Variants in SLC24A3 observed in about 807,000 individuals in gnomAD.
SLC24A3 encodes the protein sodium/potassium/calcium exchanger 3.
Under a neutral mutation model 75.8 loss-of-function variants are expected in SLC24A3, and 28 were observed. The ratio of observed to expected loss-of-function variants is 0.37; its 90% CI spans 0.27 to 0.51. The LOEUF (loss-of-function observed/expected upper bound fraction) is 0.51. Ranked by LOEUF, SLC24A3 falls within the 20% of genes least tolerant of loss-of-function variation. The probability of loss-of-function intolerance (pLI) is 0.94; values close to 1 mark genes in which losing one functional copy is unlikely to be tolerated. For missense variants in SLC24A3, 663 were observed against 847.8 expected (o/e 0.78, Z 2.71); for synonymous variants, 372 against 334.1 (o/e 1.11, Z -1.24).
At chr20:19,708,660 T>A (rs2032955433) in intron 15 of SLC24A3, among the ~76,000 whole-genome samples, 1 of 152,200 alleles carries the variant, frequency 6.6e-6, no homozygotes, top group African/African-American at 2.4e-5. Flanking sequence ...CAGGACCGTG[T>A]CAGAAGACCA....
At chr20:19,310,399 C>G (rs980965613) in intron 2 of SLC24A3, among the ~76,000 whole-genome samples, 1 of 152,198 alleles carries the variant, frequency 6.6e-6, no homozygotes, top group African/African-American at 2.4e-5. Flanking sequence ...AGTGTATGTT[C>G]AGTAAATATT....
chr20:19,254,272 C>T (rs1371056241), intron 1 of SLC24A3, among the ~76,000 whole-genome samples: 1 of 152,148 alleles, frequency 6.6e-6, no homozygotes, highest in African/African-American at 2.4e-5. Context: ...TCACATGGTC[C>T]AGGGGTTCCC....
At chr20:19,646,309 AT>A (rs567546437) in intron 6 of SLC24A3, among the ~76,000 whole-genome samples, 579 of 152,280 alleles carry the variant, frequency 3.8e-3, no homozygotes, top group African/African-American at 0.013. Flanking sequence ...CAACTATACT[AT>A]TTTTAGTATA....
intron 2 of SLC24A3, among the ~76,000 whole-genome samples, chr20:19,374,518 G>C (rs917018161): frequency 6.6e-6 from 1 of 152,118 alleles, no homozygotes; most frequent in Non-Finnish European, 1.5e-5. Flanking sequence ...TATCTCTCCT[G>C]GAGTTCTGGG....
intron 1 of SLC24A3, among the ~76,000 whole-genome samples, chr20:19,230,026 A>G (rs913208313): frequency 6.6e-6 from 1 of 151,262 alleles, no homozygotes; most frequent in East Asian, 1.9e-4. Flanking sequence ...ATTAAAAAAA[A>G]TGGATTCCAA....
At chr20:19,229,621 A>G (rs888721860) in intron 1 of SLC24A3, among the ~76,000 whole-genome samples, 3 of 152,010 alleles carry the variant, frequency 2.0e-5, no homozygotes, top group East Asian at 1.9e-4. Context: ...GTGTGTGTAT[A>G]TATATATATG....
chr20:19,316,951 C>G (rs1205521160), intron 2 of SLC24A3, among the ~76,000 whole-genome samples: 1 of 152,032 alleles, frequency 6.6e-6, no homozygotes, highest in Non-Finnish European at 1.5e-5. Context: ...AAGTATTAAG[C>G]CCAACATCCA....
intron 2 of SLC24A3, among the ~76,000 whole-genome samples, chr20:19,492,577 G>C (rs1370374783): frequency 6.6e-6 from 1 of 152,130 alleles, no homozygotes; most frequent in Non-Finnish European, 1.5e-5. Flanking sequence ...TGGACCTTTA[G>C]CCTTTTACTC....
intron 3 of SLC24A3, among the ~76,000 whole-genome samples, chr20:19,569,026 G>T (rs567062006): frequency 1.3e-5 from 2 of 152,226 alleles, no homozygotes; most frequent in South Asian, 2.1e-4. Flanking sequence ...CTTAGAAATG[G>T]AAATGGTTCA....
chr20:19,373,259 C>T lies in SLC24A3; in HGVS notation c.271+92172C>T, dbSNP rs374632223. ...CAACCTAAATTTTCCTTCAGCAGAC[C>T]CCAGGGGAAATCAAGGCCTCTCTCG... On this transcript the variant is annotated intron_variant, in intron 2 of 16. Transcript: ENST00000328041. Among the ~76,000 whole-genome samples the T allele has an allele frequency of 2.6e-5, 4 of 152,212 alleles. No homozygotes were observed. In the East Asian group the frequency reaches 7.7e-4, roughly 29 times the overall value.
chr20:19,704,214 G>A (rs542798795), intron 15 of SLC24A3, among the ~76,000 whole-genome samples: 2 of 152,268 alleles, frequency 1.3e-5, no homozygotes, highest in East Asian at 3.9e-4. Flanking sequence ...TAGATGGATG[G>A]AGGAACATGT....
At chr20:19,542,630 A>G (rs2030521058) in intron 3 of SLC24A3, among the ~76,000 whole-genome samples, 1 of 152,210 alleles carries the variant, frequency 6.6e-6, no homozygotes, top group Non-Finnish European at 1.5e-5. Context: ...ATGCCAGCTG[A>G]CACGTCTTTG....
intron 2 of SLC24A3, among the ~76,000 whole-genome samples, chr20:19,356,782 T>G (rs1985694411): frequency 6.6e-6 from 1 of 152,124 alleles, no homozygotes; most frequent in Non-Finnish European, 1.5e-5. Flanking sequence ...ATTTACACTT[T>G]GACTAGCAGG....
At chr20:19,655,441 G>A (rs1028079367) in intron 7 of SLC24A3, among the ~76,000 whole-genome samples, 3 of 152,054 alleles carry the variant, frequency 2.0e-5, no homozygotes, top group East Asian at 3.9e-4. Flanking sequence ...AATAGGAGTC[G>A]GGAGATCTGA....
intron 1 of SLC24A3, among the ~76,000 whole-genome samples, chr20:19,228,690 T>G (rs1470653157): frequency 1.3e-5 from 2 of 152,090 alleles, no homozygotes; most frequent in African/African-American, 4.8e-5. Context: ...ATCAAATGCC[T>G]TATTAACACT....
At chr20:19,527,367 G>A (rs941254145) in intron 3 of SLC24A3, among the ~76,000 whole-genome samples, 3 of 152,154 alleles carry the variant, frequency 2.0e-5, no homozygotes, top group African/African-American at 7.2e-5. Context: ...GTAGTGTGAC[G>A]GTGAATGAAT....
At chr20:19,484,921 A>AT (rs1988108308) in intron 2 of SLC24A3, among the ~76,000 whole-genome samples, 1 of 152,140 alleles carries the variant, frequency 6.6e-6, no homozygotes, top group African/African-American at 2.4e-5. Flanking sequence ...ACTGAAAGAT[A>AT]CTCAGTCTCC....
rs992608766 is a variant in SLC24A3, at chr20:19,571,340, C to A, written c.349-8660C>A. Among the ~76,000 whole-genome samples the A allele has an allele frequency of 2.6e-5, 4 of 152,092 alleles. No individual in the cohort carries two copies. The East Asian group carries it at 7.7e-4, about 29-fold the overall frequency. On this transcript the variant is annotated intron_variant, in intron 3 of 16. Coordinates refer to ENST00000328041, the MANE Select transcript of SLC24A3 (RefSeq NM_020689.4). ...TTCAGAGGGTTTCAAGGGGAATCAG[C>A]AATGATCACCTGAGAAACTGACAAC...
intron 8 of SLC24A3, among the ~76,000 whole-genome samples, chr20:19,668,888 C>T (rs1006614830): frequency 3.9e-5 from 6 of 152,148 alleles, no homozygotes; most frequent in African/African-American, 1.4e-4. Context: ...TGCTGCAGCC[C>T]CAGCCACCAA....
Sources: allele counts gnomAD v4.1 joint callset (sites outside exome capture counted in the v4.1 genomes callset), GRCh38; gene constraint gnomAD v4.1.1; transcripts MANE v1.5; gene names NCBI Gene and HGNC (gene_info 2026-07-23, HGNC 2026-07-21).